Variants in STK32C observed in about 807,000 individuals in gnomAD.
STK32C encodes the protein serine/threonine kinase 32C.
Under a neutral mutation model 56.5 loss-of-function variants are expected in STK32C, and 31 were observed. The observed-to-expected ratio is 0.55, with a 90% CI of 0.41 to 0.74. The LOEUF (loss-of-function observed/expected upper bound fraction) is 0.74. Among genes scored for constraint, STK32C ranks in the 30% least tolerant of loss-of-function variants. The pLI is 0.00. For missense variants in STK32C, 544 were observed against 676.9 expected (o/e 0.80, Z 2.18); for synonymous variants, 309 against 289.4 (o/e 1.07, Z -0.69).
intron 1 of STK32C, among the ~76,000 whole-genome samples, chr10:132,262,028 A>T (rs1323921602): frequency 6.6e-6 from 1 of 152,206 alleles, no homozygotes; most frequent in African/African-American, 2.4e-5. Flanking sequence ...GCATCACATT[A>T]CTGGACTTCA....
intron 10 of STK32C, among the ~76,000 whole-genome samples, chr10:132,214,520 C>T (rs1382792666): frequency 6.6e-6 from 1 of 152,266 alleles, no homozygotes; most frequent in East Asian, 1.9e-4. Flanking sequence ...AACGAAGTTC[C>T]TCAGGGGAAA....
Position 132,224,456 on chromosome 10 carries a change from A to G in STK32C, c.944T>C (p.Val315Ala). The change falls in exon 8 of 12, where the codon GTC becomes GCC. Residue 315 changes from valine (V) to alanine (A), a missense_variant. Transcript: ENST00000298630. ...CTTGGACCACGTGGGGACATACTGGACGCTCACGGTGCTGAACAGCTGCAC... is the reference window on the plus strand; with the variant it reads ...CTTGGACCACGTGGGGACATACTGGGCGCTCACGGTGCTGAACAGCTGCAC... ...SLVQLFSTVSVQYVPTWSKEM... is the reference protein window; with the variant it reads ...SLVQLFSTVSAQYVPTWSKEM... 3 of 1,566,720 alleles carry G rather than the reference A, an allele frequency of 1.9e-6. No individual in the cohort carries two copies. The highest frequency in any genetic ancestry group is 2.6e-6 in the Non-Finnish European group (3 of 1,155,602).
At chr10:132,331,350 CACAGG>C (rs2066722764) in intron 1 of STK32C, 4 of 1,395,266 alleles carry the variant, frequency 2.9e-6, no homozygotes, top group East Asian at 2.4e-5. Context: ...TCCAGGGTTC[CACAGG>C]ACCACGCGAG....
intron 1 of STK32C, among the ~76,000 whole-genome samples, chr10:132,253,000 G>T (rs2063961176): frequency 6.6e-6 from 1 of 152,184 alleles, no homozygotes; most frequent in African/African-American, 2.4e-5. Context: ...GCTAGCTGGG[G>T]TCTCAGTCCC....
chr10:132,253,564 C>CGAGGGAGCTGGAGGGAGCTG (rs143182942), intron 1 of STK32C, among the ~76,000 whole-genome samples: 2 of 118,348 alleles, frequency 1.7e-5, no homozygotes, highest in Non-Finnish European at 3.3e-5. Context: ...TGGAGGGAGT[C>CGAGGGAGCTGGAGGGAGCTG]GAGGGAGCTG....
At chr10:132,258,587 C>T (rs2064203376) in intron 1 of STK32C, among the ~76,000 whole-genome samples, 1 of 152,232 alleles carries the variant, frequency 6.6e-6, no homozygotes, top group African/African-American at 2.4e-5. Flanking sequence ...AGGCCTTCCT[C>T]TGGAATTCCT....
Position 132,224,537 on chromosome 10 carries a change from G to A in STK32C, c.877-14C>T. 1 of 1,575,424 alleles carries A rather than the reference G, an allele frequency of 6.3e-7. No homozygotes were observed. The highest frequency in any genetic ancestry group is 8.6e-7 in the Non-Finnish European group (1 of 1,157,770). ...GTCATAGGGCCTCTGGAGACAGGGA[G>A]GCAGTGCTGGGCAGGTCCTCCTGGC... On this transcript the variant is annotated splice_polypyrimidine_tract_variant and intron_variant, in intron 7 of 11. Coordinates refer to ENST00000298630, the MANE Select transcript of STK32C (RefSeq NM_173575.4).
At chr10:132,286,793 C>T (rs964261853) in intron 1 of STK32C, among the ~76,000 whole-genome samples, 1 of 152,194 alleles carries the variant, frequency 6.6e-6, no homozygotes, top group African/African-American at 2.4e-5. Context: ...GCTCAGCCAA[C>T]ATTACAGTAA....
chr10:132,290,025 A>G (rs911912954), intron 1 of STK32C, among the ~76,000 whole-genome samples: 1 of 152,222 alleles, frequency 6.6e-6, no homozygotes, highest in Non-Finnish European at 1.5e-5. Context: ...TTTTCTTGAA[A>G]ACCGTATGGT....
At position 132,212,959 on chromosome 10, in the gene STK32C, G is replaced by A. The variant is rs144252150; in HGVS notation, c.1252-3858C>T. ...GATGGTGTGTGGGAACACCTCCTGG[G>A]CAGCTCTGGGGAGCGGCCGGGGCCG... On this transcript the variant is annotated intron_variant, in intron 10 of 11. Transcript: ENST00000298630. Among the ~76,000 whole-genome samples, 663 of 152,342 alleles carry A rather than the reference G, an allele frequency of 4.4e-3. 3 individuals carry two copies. Among genetic ancestry groups the A allele is most frequent in the Middle Eastern group, 0.02 (6 of 294 alleles).
At position 132,251,734 on chromosome 10, in the gene STK32C, A is replaced by G. The variant is rs1335273642; in HGVS notation, c.263-5779T>C. On this transcript the variant is annotated intron_variant, in intron 1 of 11. Coordinates refer to ENST00000298630, the MANE Select transcript of STK32C (RefSeq NM_173575.4). Reference sequence around the variant, plus strand: ...CTCCACTACCCACCACAGGCAGGTCAACACCCTACACCTCCTGGGGCCTCC... The same window carrying G: ...CTCCACTACCCACCACAGGCAGGTCGACACCCTACACCTCCTGGGGCCTCC... Among the ~76,000 whole-genome samples, 1,071 of 142,372 alleles carry G rather than the reference A, an allele frequency of 7.5e-3. 1 individual carries two copies. The highest frequency in any genetic ancestry group is 0.017 in the African/African-American group (624 of 35,944). The allele number at this position is 142,372 out of a possible 152,430, so 93.4% of individuals were successfully genotyped here.
Position 132,249,135 on chromosome 10 carries a change from AGGGCGTGCAGGGGGCG to A in STK32C, c.263-3196_263-3181del, listed in dbSNP as rs760850697. 642 of 262,372 alleles carry A rather than the reference AGGGCGTGCAGGGGGCG, an allele frequency of 2.4e-3. 4 individuals are homozygous for A. The highest frequency in any genetic ancestry group is 0.01 in the African/African-American group (298 of 29,722). 16.3% of individuals were successfully genotyped at this position (262,372 alleles called of 1,614,324 possible). A position where few individuals can be genotyped will look rare whatever the true frequency, so the allele number is the denominator to read the frequency against. On this transcript the variant is annotated intron_variant, in intron 1 of 11. Transcript: ENST00000298630. ...CGTGCCGGGGCGGGGCTGTGGCGTC[AGGGCGTGCAGGGGGCG>A]GGGCGTGCAGGGGGCGGGGCTATGG... is the stretch of plus-strand genomic sequence containing the variant.
At chr10:132,329,444 GT>G (rs1486631155) in intron 1 of STK32C, among the ~76,000 whole-genome samples, 5 of 151,982 alleles carry the variant, frequency 3.3e-5, no homozygotes, top group African/African-American at 1.2e-4. Context: ...AAATAGAGGT[GT>G]TTGGGATTCT....
downstream of STK32C, among the ~76,000 whole-genome samples, chr10:132,321,752 G>A (rs2066412354): frequency 6.6e-6 from 1 of 152,216 alleles, no homozygotes; most frequent in African/African-American, 2.4e-5. Context: ...TTGAACCTGG[G>A]AGGCGGAGGG....
intron 8 of STK32C, 30 bp downstream of exon 8, chr10:132,224,377 G>C (rs779145152): frequency 1.3e-6 from 2 of 1,499,086 alleles, no homozygotes; most frequent in South Asian, 1.2e-5. Context: ...GGTGCTCGGA[G>C]GGTGAGGAGG....
chr10:132,275,621 C>T (rs888224420), intron 1 of STK32C, among the ~76,000 whole-genome samples: 4 of 152,228 alleles, frequency 2.6e-5, no homozygotes, highest in African/African-American at 9.6e-5. Flanking sequence ...GGCCACGGGG[C>T]CAGTGGCCAG....
At chr10:132,306,629 C>T (rs2066073390) in intron 1 of STK32C, among the ~76,000 whole-genome samples, 1 of 152,242 alleles carries the variant, frequency 6.6e-6, no homozygotes, top group Non-Finnish European at 1.5e-5. Context: ...GAGCGCTGGG[C>T]TCTAAAATTT....
chr10:132,298,711 G>A (rs551530431), intron 1 of STK32C, among the ~76,000 whole-genome samples: 5 of 152,070 alleles, frequency 3.3e-5, no homozygotes, highest in South Asian at 2.1e-4. Flanking sequence ...GGAGTTGAGC[G>A]CAGTGTGTGG....
At chr10:132,280,447 A>ACTGCACCCCATGATCACGCCC (rs2065145289) in intron 1 of STK32C, among the ~76,000 whole-genome samples, 1 of 59,506 alleles carries the variant, frequency 1.7e-5, no homozygotes, top group African/African-American at 6.8e-5. Context: ...TGATCACGCC[A>ACTGCACCCCATGATCACGCCC]CTGCACCCCA....
Sources: allele counts gnomAD v4.1 joint callset (sites outside exome capture counted in the v4.1 genomes callset), GRCh38; gene constraint gnomAD v4.1.1; transcripts MANE v1.5; gene names NCBI Gene and HGNC (gene_info 2026-07-23, HGNC 2026-07-21).